SPIRE1: variants seen among roughly 807,000 people sequenced by gnomAD.
SPIRE1 encodes the protein spire type actin nucleation factor 1.
SPIRE1 carries 40 observed loss-of-function variants against 94.1 expected under a neutral mutation model. The ratio of observed to expected loss-of-function variants is 0.43; its 90% CI spans 0.33 to 0.55. The LOEUF (loss-of-function observed/expected upper bound fraction) is 0.55, where lower values mean the gene tolerates loss of function less well. Ranked by LOEUF, SPIRE1 falls within the 20% of genes least tolerant of loss-of-function variation. SPIRE1 has a pLI of 0.06. For synonymous variants in SPIRE1, 376 were observed against 371.7 expected (o/e 1.01, Z -0.13); for missense variants, 838 against 975.2 (o/e 0.86, Z 1.87).
At chr18:12,556,566 C>T (rs2035512019) in intron 2 of SPIRE1, among the ~76,000 whole-genome samples, 1 of 152,326 alleles carries the variant, frequency 6.6e-6, no homozygotes, top group Admixed American at 6.5e-5. Flanking sequence ...TCCGGAGTTT[C>T]TTCCTTCTGG....
chr18:12,461,434 A>G (rs958789086), intron 12 of SPIRE1, among the ~76,000 whole-genome samples: 1 of 141,586 alleles, frequency 7.1e-6, no homozygotes, highest in African/African-American at 2.9e-5. Flanking sequence ...GTGTGTATGT[A>G]TGTATATACA....
At position 12,479,704 on chromosome 18, in the gene SPIRE1, A is replaced by G; in HGVS notation, c.1399T>C (p.Ser467Pro). 1 of 1,610,906 alleles carries G rather than the reference A, an allele frequency of 6.2e-7. No homozygotes were observed. The highest frequency in any genetic ancestry group is 1.3e-5 in the African/African-American group (1 of 74,830). ...PTLAELDSSESEEETLHKSTS... is the reference protein window; with the variant it reads ...PTLAELDSSEPEEETLHKSTS... ...TGGGTGAACTGGGGCCTCACCTCAGACTCAGAGCTGTCCAGTTCGGCCAGA... is the reference window on the plus strand; with the variant it reads ...TGGGTGAACTGGGGCCTCACCTCAGGCTCAGAGCTGTCCAGTTCGGCCAGA... Residue 467 changes from serine (S) to proline (P), a missense_variant, in exon 10 of 17, where the codon TCT (serine) becomes CCT (proline). This residue lies in a region of SPIRE1 where 645 missense variants were observed against 804.7 expected (regional missense o/e 0.80). Transcript: ENST00000409402.
At chr18:12,571,141 C>T (rs1276512259) in intron 2 of SPIRE1, among the ~76,000 whole-genome samples, 1 of 152,146 alleles carries the variant, frequency 6.6e-6, no homozygotes, top group Non-Finnish European at 1.5e-5. Flanking sequence ...GTTGCACAAC[C>T]TCTGCTCACT....
intron 2 of SPIRE1, among the ~76,000 whole-genome samples, chr18:12,574,881 A>C (rs1215363340): frequency 1.3e-5 from 2 of 152,216 alleles, no homozygotes; most frequent in Non-Finnish European, 2.9e-5. Context: ...TTCAAGAAGG[A>C]AGGCATCGTC....
chr18:12,597,158 AC>A (rs2036697585), intron 2 of SPIRE1, among the ~76,000 whole-genome samples: 1 of 844 alleles, frequency 1.2e-3, no homozygotes. Flanking sequence ...GTCTCTTTCT[AC>A]ACACACACAC....
At chr18:12,456,359 T>G (rs907887274) in intron 12 of SPIRE1, among the ~76,000 whole-genome samples, 1 of 152,198 alleles carries the variant, frequency 6.6e-6, no homozygotes, top group African/African-American at 2.4e-5. Flanking sequence ...AAGTAAGTAG[T>G]GTTGGCTGAA....
intron 1 of SPIRE1, among the ~76,000 whole-genome samples, chr18:12,645,690 T>A (rs2038205353): frequency 6.6e-6 from 1 of 152,132 alleles, no homozygotes; most frequent in African/African-American, 2.4e-5. Context: ...TTTTACCCAA[T>A]TCAATACATC....
intron 1 of SPIRE1, among the ~76,000 whole-genome samples, chr18:12,641,374 C>CTTTTTTTTTT (rs67745102): frequency 7.0e-6 from 1 of 143,750 alleles, no homozygotes; most frequent in Non-Finnish European, 1.5e-5. Flanking sequence ...TTCTTTTTTT[C>CTTTTTTTTTT]TTTTTTTTTT....
At position 12,543,074 on chromosome 18, in the gene SPIRE1, C is replaced by T. The variant is rs143668346; in HGVS notation, c.603+3600G>A. Reference sequence around the variant, plus strand: ...AACTCCTGACCTCAAATGATCCGCCCGTCTCGGCCTCCCAAAGTGCTGGGA... The same window carrying T: ...AACTCCTGACCTCAAATGATCCGCCTGTCTCGGCCTCCCAAAGTGCTGGGA... On this transcript the variant is annotated intron_variant, in intron 3 of 16. Coordinates refer to ENST00000409402, the MANE Select transcript of SPIRE1 (RefSeq NM_001128626.2). Among the ~76,000 whole-genome samples the T allele has an allele frequency of 4.6e-5, 7 of 152,232 alleles. No individual in the cohort carries two copies. The East Asian group carries it at 5.8e-4, about 13-fold the overall frequency.
chr18:12,527,650 C>T (rs1742530890), intron 4 of SPIRE1, among the ~76,000 whole-genome samples: 1 of 152,180 alleles, frequency 6.6e-6, no homozygotes, highest in Non-Finnish European at 1.5e-5. Flanking sequence ...GAAGAGGCAG[C>T]TGTGTGTCCA....
chr18:12,485,932 G>GGTT, intron 9 of SPIRE1, 27 bp downstream of exon 9: 1 of 1,510,778 alleles, frequency 6.6e-7, no homozygotes, highest in Non-Finnish European at 8.9e-7. Flanking sequence ...CCCACGTCAG[G>GGTT]TGTAAAAGTG....
chr18:12,487,137 G>C (rs1367970632), intron 8 of SPIRE1, among the ~76,000 whole-genome samples: 1 of 152,308 alleles, frequency 6.6e-6, no homozygotes, highest in South Asian at 2.1e-4. Context: ...ACAGGCATAA[G>C]CCACCATGCC....
intron 2 of SPIRE1, among the ~76,000 whole-genome samples, chr18:12,577,556 A>AC: frequency 6.6e-6 from 1 of 152,336 alleles, no homozygotes; most frequent in East Asian, 1.9e-4. Context: ...GTGTTTGCAG[A>AC]TTTTTAAATG....
chr18:12,624,931 T>C (rs542051139), intron 2 of SPIRE1, among the ~76,000 whole-genome samples: 1 of 152,012 alleles, frequency 6.6e-6, no homozygotes, highest in Non-Finnish European at 1.5e-5. Context: ...TCTTCAGATA[T>C]AGTAAAAACT....
chr18:12,460,117 G>A (rs1331849861), intron 12 of SPIRE1, among the ~76,000 whole-genome samples: 3 of 152,210 alleles, frequency 2.0e-5, no homozygotes, highest in South Asian at 2.1e-4. Context: ...ATGAAACCAC[G>A]AAGTCCTTCC....
upstream of SPIRE1, among the ~76,000 whole-genome samples, chr18:12,661,023 G>C (rs563610128): frequency 6.6e-6 from 1 of 152,100 alleles, no homozygotes; most frequent in Non-Finnish European, 1.5e-5. Context: ...GTTTTGATAA[G>C]CTGGCCAGGC....
chr18:12,479,789 G>A lies in SPIRE1; in HGVS notation c.1314C>T (p.Asn438=), dbSNP rs147805118. Residue 438 remains asparagine, a synonymous_variant, in exon 10 of 17, where the codon AAC becomes AAT. Transcript: ENST00000409402. ...GCACCTGCTGTGAGGTACTTAACCC[G>A]TTTTCTTTTGTTTGTGATGTCAAAC... ...NGGLTSQTKE[N]GLSTSQQVPA... is the part of the protein sequence containing the mutation. The A allele has an allele frequency of 1.5e-5, 25 of 1,614,032 alleles. No individual in the cohort carries two copies. Among genetic ancestry groups the A allele is most frequent in the African/African-American group, 2.7e-5 (2 of 75,016 alleles).
chr18:12,538,402 C>T (rs1280061693), intron 3 of SPIRE1, among the ~76,000 whole-genome samples: 1 of 152,058 alleles, frequency 6.6e-6, no homozygotes, highest in African/African-American at 2.4e-5. Flanking sequence ...GTTTATGTAA[C>T]CTCTTATATA....
intron 2 of SPIRE1, among the ~76,000 whole-genome samples, chr18:12,609,766 C>T (rs922606124): frequency 3.3e-5 from 5 of 152,192 alleles, no homozygotes; most frequent in African/African-American, 1.2e-4. Flanking sequence ...AAGCCAGAGG[C>T]TCCCACTGCC....
Sources: allele counts gnomAD v4.1 joint callset (sites outside exome capture counted in the v4.1 genomes callset), GRCh38; gene constraint gnomAD v4.1.1; regional missense constraint gnomAD v4.1.1; transcripts MANE v1.5; gene names NCBI Gene and HGNC (gene_info 2026-07-23, HGNC 2026-07-21).